Variants in MED13L observed in about 807,000 individuals in gnomAD.
MED13L encodes the protein mediator of RNA polymerase II transcription subunit 13-like.
Under a neutral mutation model 220.9 loss-of-function variants are expected in MED13L, and 7 were observed. That is an observed-to-expected ratio of 0.03 (90% CI 0.02 to 0.06). MED13L has a LOEUF of 0.06. MED13L is among the 10% of genes least tolerant of loss of function. MED13L has a pLI of 1.00. For synonymous variants in MED13L, 1,011 were observed against 1,015.2 expected (o/e 1.00, Z 0.08); for missense variants, 1,965 against 2,760.5 (o/e 0.71, Z 6.46).
chr12:115,978,260 G>C (rs567874468), intron 23 of MED13L, among the ~76,000 whole-genome samples: 2 of 151,742 alleles, frequency 1.3e-5, no homozygotes, highest in African/African-American at 4.8e-5. Context: ...TCTAAAATTA[G>C]ATAGTAGTGA....
intron 13 of MED13L, among the ~76,000 whole-genome samples, chr12:116,005,451 C>T (rs1878991437): frequency 6.6e-6 from 1 of 152,074 alleles, no homozygotes; most frequent in African/African-American, 2.4e-5. Flanking sequence ...ATTTGCATAC[C>T]TAACCTCTGA....
At chr12:116,204,420 A>G (rs1371446635) in intron 2 of MED13L, among the ~76,000 whole-genome samples, 1 of 152,238 alleles carries the variant, frequency 6.6e-6, no homozygotes, top group Admixed American at 6.5e-5. Context: ...CCTGGCTAGC[A>G]AAAGACTGCT....
At chr12:116,152,304 ATTTCTAAATAAACTT>A (rs1204287424) in intron 2 of MED13L, among the ~76,000 whole-genome samples, 1 of 152,174 alleles carries the variant, frequency 6.6e-6, no homozygotes, top group African/African-American at 2.4e-5. Flanking sequence ...TACTGTTTCC[ATTTCTAAATAAACTT>A]TAACAGCAGC....
intron 2 of MED13L, among the ~76,000 whole-genome samples, chr12:116,228,712 A>G (rs935301059): frequency 1.3e-5 from 2 of 152,216 alleles, no homozygotes; most frequent in Non-Finnish European, 2.9e-5. Flanking sequence ...GTTATTCCCT[A>G]TAAATGTGTA....
intron 1 of MED13L, among the ~76,000 whole-genome samples, chr12:116,238,825 G>A (rs925922518): frequency 2.6e-5 from 4 of 152,108 alleles, no homozygotes; most frequent in Admixed American, 6.5e-5. Flanking sequence ...GGCTGAGCAC[G>A]GTGGTTCACG....
At chr12:116,207,704 T>C (rs911408605) in intron 2 of MED13L, among the ~76,000 whole-genome samples, 2 of 152,002 alleles carry the variant, frequency 1.3e-5, no homozygotes, top group Non-Finnish European at 1.5e-5. Flanking sequence ...AAGAATGATA[T>C]TAAGTAAAAA....
chr12:115,978,600 TATAGGC>T (rs911132449), intron 23 of MED13L, among the ~76,000 whole-genome samples: 1 of 152,212 alleles, frequency 6.6e-6, no homozygotes, highest in African/African-American at 2.4e-5. Flanking sequence ...GTGTTGGGAT[TATAGGC>T]ATGAGCCACC....
At position 115,986,398 on chromosome 12, in the gene MED13L, C is replaced by T. The variant is rs770880941; in HGVS notation, c.4206G>A (p.Pro1402=). 16 of 1,614,000 alleles carry T rather than the reference C, an allele frequency of 9.9e-6. No homozygotes were observed. The highest frequency in any genetic ancestry group is 3.3e-5 in the Admixed American group (2 of 59,996). ...GGTCCAACAAGAGCCTCTCCCAAAA[C>T]GGCAAGGAGAATGGCGAGATGGTGA... ...DFLTISPFSL[P]FWERLLLDPY... The change falls in exon 19 of 31, where the codon CCG becomes CCA. Residue 1402 remains proline, a synonymous_variant. Coordinates refer to ENST00000281928, the MANE Select transcript of MED13L (RefSeq NM_015335.5).
rs187060004 is a variant in MED13L, at chr12:116,068,951, A to T, written c.479+27718T>A. Among the ~76,000 whole-genome samples the T allele has an allele frequency of 7.8e-3, 1,185 of 152,294 alleles. 13 individuals are homozygous for T. The highest frequency in any genetic ancestry group is 0.013 in the Non-Finnish European group (905 of 68,024). On this transcript the variant is annotated intron_variant, in intron 4 of 30. Transcript: ENST00000281928. ...ATGAACTGGATCCAAGAGTCAGCGT[A>T]GTCAAGAGAATGCAGCACTAACGTC...
intron 2 of MED13L, among the ~76,000 whole-genome samples, chr12:116,166,427 T>TA (rs1351296930): frequency 1.3e-5 from 2 of 151,944 alleles, no homozygotes; most frequent in Non-Finnish European, 2.9e-5. Context: ...CCATCTCTAC[T>TA]AAAAATACAA....
At position 116,023,551 on chromosome 12, in the gene MED13L, A is replaced by C. The variant is rs561381461; in HGVS notation, c.480-950T>G. Among the ~76,000 whole-genome samples the C allele has an allele frequency of 2.1e-5, 3 of 141,610 alleles. No homozygotes were observed. The South Asian group carries it at 8.8e-4, about 42-fold the overall frequency. The allele number at this position is 141,610 out of a possible 152,430, so 92.9% of individuals were successfully genotyped here. A position where few individuals can be genotyped will look rare whatever the true frequency, so the allele number is the denominator to read the frequency against. On this transcript the variant is annotated intron_variant, in intron 4 of 30. Transcript: ENST00000281928. Reference sequence around the variant, plus strand: ...ATAAAGTACATTTGGAGTACTACTCAAAAAAAAAATGTTGTTTCAAGTGCA... The same window carrying C: ...ATAAAGTACATTTGGAGTACTACTCCAAAAAAAAATGTTGTTTCAAGTGCA...
intron 2 of MED13L, among the ~76,000 whole-genome samples, chr12:116,211,626 A>G (rs992364021): frequency 1.3e-5 from 2 of 152,226 alleles, no homozygotes; most frequent in African/African-American, 4.8e-5. Flanking sequence ...GGGAGTCAGA[A>G]ATAATTTTTA....
At chr12:116,002,825 T>C (rs1370368711) in intron 14 of MED13L, among the ~76,000 whole-genome samples, 178 bp downstream of exon 14, 1 of 152,256 alleles carries the variant, frequency 6.6e-6, no homozygotes, top group African/African-American at 2.4e-5. Context: ...GGTTTCTGTA[T>C]ATGATTAGCT....
At position 116,237,864 on chromosome 12, in the gene MED13L, G is replaced by A. The variant is rs142619596; in HGVS notation, c.73-159C>T. Among the ~76,000 whole-genome samples, 211 of 152,196 alleles carry A rather than the reference G, an allele frequency of 1.4e-3. 2 individuals carry two copies. Among genetic ancestry groups the A allele is most frequent in the East Asian group, 9.8e-3 (51 of 5,182 alleles). ...GTGAAGAATGTATGTCAATCTTCTC[G>A]AATTTTAAGGTGGGAGAAACTTTCT... is the stretch of plus-strand genomic sequence containing the variant. On this transcript the variant is annotated intron_variant, in intron 1 of 30. Coordinates refer to ENST00000281928, the MANE Select transcript of MED13L (RefSeq NM_015335.5).
chr12:115,981,599 G>C (rs1241048938), intron 22 of MED13L, among the ~76,000 whole-genome samples: 4 of 152,122 alleles, frequency 2.6e-5, no homozygotes, highest in African/African-American at 9.7e-5. Context: ...GGCAATATTT[G>C]TCAGCATCTA....
At chr12:116,208,388 C>T (rs1882489187) in intron 2 of MED13L, among the ~76,000 whole-genome samples, 1 of 150,904 alleles carries the variant, frequency 6.6e-6, no homozygotes, top group Non-Finnish European at 1.5e-5. Context: ...AAGAGCAAAA[C>T]TCCGTCTCAA....
chr12:116,034,132 G>T (rs1007755245), intron 4 of MED13L, among the ~76,000 whole-genome samples: 3 of 151,956 alleles, frequency 2.0e-5, no homozygotes, highest in Admixed American at 2.0e-4. Flanking sequence ...AGACTAAAAT[G>T]CTCCTACACA....
At chr12:116,054,864 A>G (rs1243445717) in intron 4 of MED13L, among the ~76,000 whole-genome samples, 1 of 152,230 alleles carries the variant, frequency 6.6e-6, no homozygotes, top group Non-Finnish European at 1.5e-5. Flanking sequence ...GTATATACCC[A>G]ATAGAAAATA....
In MED13L at chr12:116,259,259, C is replaced by A. The variant is rs545696926; in HGVS notation, c.72+17801G>T. Among the ~76,000 whole-genome samples, 8 of 152,130 alleles carry A rather than the reference C, an allele frequency of 5.3e-5. No individual in the cohort carries two copies. The South Asian group carries it at 1.7e-3, about 32-fold the overall frequency. On this transcript the variant is annotated intron_variant, in intron 1 of 30. Coordinates refer to ENST00000281928, the MANE Select transcript of MED13L (RefSeq NM_015335.5). Reference sequence around the variant, plus strand: ...TGAAGACAATGTTAAGCGGAAAAAGCACATTGCAGGAAAAGGTGGAGAATT... The same window carrying A: ...TGAAGACAATGTTAAGCGGAAAAAGAACATTGCAGGAAAAGGTGGAGAATT...
Sources: gnomAD v4.1 joint callset for allele counts (sites outside exome capture counted in the v4.1 genomes callset) on GRCh38, gnomAD v4.1.1 for gene constraint, MANE v1.5 for transcripts, NCBI Gene and HGNC (gene_info 2026-07-23, HGNC 2026-07-21) for gene names.